FES: variants seen among roughly 807,000 people sequenced by gnomAD.
The protein encoded by FES is FES proto-oncogene, tyrosine kinase.
In FES, 83 loss-of-function variants were observed where a neutral mutation model predicts 109.6. The observed-to-expected ratio is 0.76, with a 90% CI of 0.63 to 0.91. FES has a LOEUF of 0.91. Ranked by LOEUF, FES falls within the 40% of genes least tolerant of loss-of-function variation. The probability of loss-of-function intolerance (pLI) is 0.00; values close to 1 mark genes in which losing one functional copy is unlikely to be tolerated. For missense variants in FES, 943 were observed against 1,070.9 expected (o/e 0.88, Z 1.67); for synonymous variants, 458 against 442.1 (o/e 1.04, Z -0.45).
Position 90,886,978 on chromosome 15 carries a change from T to A in FES, c.405T>A (p.Ile135=). 6.2e-7 allele frequency: 1 copy of A among 1,614,022 alleles called. No homozygotes were observed. Reference sequence around the variant, plus strand: ...CTCCCTAGACCCACAGCCAGGACATTGAGAAGCTGAAGAGCCAGTACCGAG... The same window carrying A: ...CTCCCTAGACCCACAGCCAGGACATAGAGAAGCTGAAGAGCCAGTACCGAG... ...QELTKTHSQD[I]EKLKSQYRAL... The change falls in exon 4 of 19, where the codon ATT becomes ATA. Residue 135 remains isoleucine, a synonymous_variant. Coordinates refer to ENST00000328850, the MANE Select transcript of FES (RefSeq NM_002005.4).
At chr15:90,891,529 T>C (rs1340772871) in intron 11 of FES, 25 bp from the exon 12 acceptor site, 8 of 1,612,852 alleles carry the variant, frequency 5.0e-6, no homozygotes, top group Non-Finnish European at 6.8e-6. Context: ...TGGAGGCTGC[T>C]GACCCCGGGT....
In FES at chr15:90,889,845, C is replaced by T. The variant is rs1366528226; in HGVS notation, c.932C>T (p.Thr311Ile). 1 of 1,613,610 alleles carries T rather than the reference C, an allele frequency of 6.2e-7. No homozygotes were observed. Among genetic ancestry groups the T allele is most frequent in the Non-Finnish European group, 8.5e-7 (1 of 1,179,922 alleles). The change falls in exon 8 of 19, where the codon ACC (threonine) becomes ATC (isoleucine). Residue 311 changes from threonine to isoleucine, a missense_variant. Coordinates refer to ENST00000328850, the MANE Select transcript of FES (RefSeq NM_002005.4). This position sits in a 1 kb window ranked among gnomAD's most constrained non-coding sequence, Gnocchi z 6.1. ...TGCCCTTCTCTTGGGTGCAGGCTGA[C>T]CTCAGTGACAGATGAGCTGGCTGTG... ...LTVESVQHTL[T>I]SVTDELAVAT...
intron 13 of FES, chr15:90,892,408 C>G (rs992416047): frequency 3.4e-6 from 2 of 582,238 alleles, no homozygotes; most frequent in Non-Finnish European, 6.1e-6. Context: ...CCATAAGATA[C>G]CTGTTTAGGG....
intron 12 of FES, 43 bp from the exon 13 acceptor site, chr15:90,892,015 C>A (rs1567100653): frequency 6.2e-7 from 1 of 1,613,084 alleles, no homozygotes; most frequent in Non-Finnish European, 8.5e-7. Context: ...CCCAGCACCC[C>A]TTTTCTTCAG....
intron 13 of FES, 111 bp downstream of exon 13, chr15:90,892,222 G>A (rs578080250): frequency 7.5e-6 from 9 of 1,195,102 alleles, no homozygotes; most frequent in Non-Finnish European, 1.1e-5. Context: ...TTCCCCACTT[G>A]TACCCCGACT....
intron 12 of FES, 122 bp from the exon 13 acceptor site, chr15:90,891,936 C>T: frequency 8.1e-7 from 1 of 1,230,032 alleles, no homozygotes; most frequent in Non-Finnish European, 1.2e-6. Flanking sequence ...TCAGTGTGCT[C>T]CCCACGTGGT....
intron 3 of FES, among the ~76,000 whole-genome samples, chr15:90,886,006 A>AT (rs982737147): frequency 3.9e-5 from 6 of 152,050 alleles, no homozygotes; most frequent in Non-Finnish European, 8.8e-5. Context: ...AAGGTCGAGG[A>AT]TTCGGGCCGT....
chr15:90,888,577 G>GGGGCTGTTTT (rs61345556), intron 5 of FES, among the ~76,000 whole-genome samples: 63,860 of 151,668 alleles, frequency 0.42, 14,180 homozygotes, highest in East Asian at 0.79. Context: ...GTCAGGTCCT[G>GGGGCTGTTTT]GAAGGTGAAG....
Position 90,895,503 on chromosome 15 carries a change from C to T in FES, c.2414C>T (p.Pro805Leu). Residue 805 changes from proline to leucine, a missense_variant, in exon 19 of 19, where the codon CCC (proline) becomes CTC (leucine). Pro to Leu is a moderately conservative substitution (Grantham distance 98). Coordinates refer to ENST00000328850, the MANE Select transcript of FES (RefSeq NM_002005.4). ...TGGGCCTATGAGCCTGGGCAGCGGC[C>T]CAGCTTCAGCACCATCTACCAGGAG... ...QCWAYEPGQR[P>L]SFSTIYQELQ... 6.3e-7 allele frequency: 1 copy of T among 1,598,126 alleles called. No homozygotes were observed. Among genetic ancestry groups the T allele is most frequent in the South Asian group, 1.1e-5 (1 of 88,848 alleles).
At position 90,885,226 on chromosome 15, in the gene FES, C is replaced by G; in HGVS notation, c.181C>G (p.Arg61Gly). ...MSLQDSGGQS[R>G]AISPDSPISQ... ...CCTGCAGGACAGTGGGGGCCAGAGCCGGGCCATCAGCCCTGACAGCCCCAT... is the reference window on the plus strand; with the variant it reads ...CCTGCAGGACAGTGGGGGCCAGAGCGGGGCCATCAGCCCTGACAGCCCCAT... Residue 61 changes from arginine to glycine, a missense_variant, in exon 2 of 19, where the codon CGG (arginine) becomes GGG (glycine). Arg to Gly is a moderately radical substitution (Grantham distance 125). Coordinates refer to ENST00000328850, the MANE Select transcript of FES (RefSeq NM_002005.4). The G allele has an allele frequency of 6.2e-7, 1 of 1,613,352 alleles. No individual in the cohort carries two copies. Among genetic ancestry groups the G allele is most frequent in the Non-Finnish European group, 8.5e-7 (1 of 1,179,968 alleles).
chr15:90,885,072 C>T lies in FES; in HGVS notation c.27C>T (p.Ser9=), dbSNP rs377657111. The change falls in exon 2 of 19, where the codon AGC becomes AGT. Residue 9 remains serine, a synonymous_variant. Transcript: ENST00000328850. ...TGGGCTTCTCTTCCGAGCTGTGCAG[C>T]CCCCAGGGCCACGGGGTCCTGCAGC... MGFSSELC[S]PQGHGVLQQM... 1,374 of 1,611,978 alleles carry T rather than the reference C, an allele frequency of 8.5e-4. 22 individuals carry two copies. The South Asian group carries it at 0.014, about 17-fold the overall frequency.
chr15:90,887,454 A>C, intron 5 of FES, 84 bp downstream of exon 5: 4 of 1,394,966 alleles, frequency 2.9e-6, no homozygotes, highest in Non-Finnish European at 3.8e-6. Context: ...GACCCAGAAA[A>C]TCCATTGCTG....
chr15:90,891,007 C>T lies in FES; in HGVS notation c.1346C>T (p.Pro449Leu), dbSNP rs776230369. The T allele has an allele frequency of 3.0e-5, 48 of 1,592,316 alleles. No homozygotes were observed. Among genetic ancestry groups the T allele is most frequent in the South Asian group, 5.7e-5 (5 of 87,678 alleles). Residue 449 changes from proline to leucine, a missense_variant, in exon 11 of 19, where the codon CCG (proline) becomes CTG (leucine). Pro to Leu is a moderately conservative substitution (Grantham distance 98, BLOSUM62 -3). Coordinates refer to ENST00000328850, the MANE Select transcript of FES (RefSeq NM_002005.4). ...CTCCCTCCACCGCTGCAGCTCATTC[C>T]GGAGGTGCAGAAGCCCCTGCATGAG... ...FSLPPPLQLI[P>L]EVQKPLHEQL...
rs1555431024 is a variant in FES, at chr15:90,889,441, T to C, written c.804T>C (p.Tyr268=). Residue 268 remains tyrosine, a splice_region_variant and synonymous_variant, in exon 6 of 19, where the codon TAT becomes TAC. Coordinates refer to ENST00000328850, the MANE Select transcript of FES (RefSeq NM_002005.4). This position sits in a 1 kb window ranked among gnomAD's most constrained non-coding sequence, Gnocchi z 6.1. Reference sequence around the variant, plus strand: ...AGTACCAAGGCTTCCTGCGACAGTATGGGTAAGCCCCGTCCTTGCTCCTGC... The same window carrying C: ...AGTACCAAGGCTTCCTGCGACAGTACGGGTAAGCCCCGTCCTTGCTCCTGC... ...EAEYQGFLRQ[Y]GSAPDVPPCV... is the part of the protein sequence containing the mutation. The C allele has an allele frequency of 6.2e-7, 1 of 1,614,006 alleles. No homozygotes were observed. The highest frequency in any genetic ancestry group is 8.5e-7 in the Non-Finnish European group (1 of 1,179,976).
In FES at chr15:90,889,898, G is replaced by A. The variant is rs1422266472; in HGVS notation, c.985G>A (p.Glu329Lys). 6.2e-7 allele frequency: 1 copy of A among 1,613,642 alleles called. No homozygotes were observed. Among genetic ancestry groups the A allele is most frequent in the South Asian group, 1.1e-5 (1 of 91,058 alleles). ...VATEMVFRRQ[E>K]MVTQLQQELR... is the part of the protein sequence containing the mutation. ...CACCGAGATGGTGTTCAGGCGGCAG[G>A]AGATGGTTACGCAGCTGCAACAGGA... The change falls in exon 8 of 19, where the codon GAG (glutamate) becomes AAG (lysine). Residue 329 changes from glutamate to lysine, a missense_variant. Physicochemically the swap from Glu to Lys is moderately conservative, Grantham distance 56. Transcript: ENST00000328850. The surrounding 1 kb of genome is among the most constrained non-coding windows in gnomAD (Gnocchi z 6.1).
intron 5 of FES, among the ~76,000 whole-genome samples, chr15:90,888,904 A>C (rs958949563): frequency 6.6e-6 from 1 of 151,764 alleles, no homozygotes; most frequent in African/African-American, 2.4e-5. Flanking sequence ...CAGCCTCCCG[A>C]GTAGCCAAGT....
rs2033465419 is a variant in FES at position 90,893,841 on chromosome 15, A to G, written c.2203+30A>G. ...CTAGTCCCTGTCTACCCTGGACTCC[A>G]TGGCCAGAGGCCAGGCCTGGGTCCT... On this transcript the variant is annotated intron_variant, in intron 17 of 18. Transcript: ENST00000328850. 4 of 1,597,648 alleles carry G rather than the reference A, an allele frequency of 2.5e-6. No individual in the cohort carries two copies. The South Asian group carries it at 4.5e-5, about 18-fold the overall frequency.
Position 90,893,330 on chromosome 15 carries a change from G to C in FES, c.1961G>C (p.Arg654Pro). Residue 654 changes from arginine to proline, a missense_variant, in exon 16 of 19, where the codon CGC (arginine) becomes CCC (proline). Physicochemically the swap from Arg to Pro is moderately radical, Grantham distance 103. Transcript: ENST00000328850. ...FLTFLRTEGA[R>P]LRVKTLLQMV... ...ACCTTCCTCCGCACGGAGGGGGCCCGCCTGCGGGTGAAGACTCTGCTGCAG... is the reference window on the plus strand; with the variant it reads ...ACCTTCCTCCGCACGGAGGGGGCCCCCCTGCGGGTGAAGACTCTGCTGCAG... The C allele has an allele frequency of 6.3e-7, 1 of 1,577,282 alleles. No individual in the cohort carries two copies. Among genetic ancestry groups the C allele is most frequent in the Non-Finnish European group, 8.6e-7 (1 of 1,161,164 alleles).
chr15:90,891,748 C>T (rs376518090), intron 12 of FES, 72 bp downstream of exon 12: 383 of 1,592,064 alleles, frequency 2.4e-4, no homozygotes, highest in East Asian at 1.6e-3. Context: ...GCCCACCCAG[C>T]GTCTGAGCAG....
Sources: allele counts gnomAD v4.1 joint callset (sites outside exome capture counted in the v4.1 genomes callset), GRCh38; gene constraint gnomAD v4.1.1; non-coding constraint Gnocchi (gnomAD v3.1); transcripts MANE v1.5; gene names NCBI Gene and HGNC (gene_info 2026-07-23, HGNC 2026-07-21).